ZBBX: variants seen among roughly 807,000 people sequenced by gnomAD.
ZBBX encodes zinc finger B-box domain-containing protein 1.
A neutral mutation model predicts 108.5 loss-of-function variants in ZBBX; 101 were observed. That is an observed-to-expected ratio of 0.93 (90% CI 0.79 to 1.10). The LOEUF (loss-of-function observed/expected upper bound fraction) is 1.10, where lower values mean the gene tolerates loss of function less well. Ranked by LOEUF, ZBBX falls within the 50% of genes least tolerant of loss-of-function variation. The probability of loss-of-function intolerance (pLI) is 0.00; values close to 1 mark genes in which losing one functional copy is unlikely to be tolerated. For missense variants in ZBBX, 1,009 were observed against 941.4 expected (o/e 1.07, Z -0.94); for synonymous variants, 356 against 323.4 (o/e 1.10, Z -1.08).
the ZBBX span, among the ~76,000 whole-genome samples, chr3:167,231,788 G>A: frequency 6.6e-6 from 1 of 151,594 alleles, no homozygotes. Context: ...TATTTTAAAA[G>A]GTATTCATTC....
chr3:167,255,625 T>G (rs373007409), intron 20 of ZBBX, among the ~76,000 whole-genome samples: 27 of 152,064 alleles, frequency 1.8e-4, no homozygotes, highest in African/African-American at 2.7e-4. Flanking sequence ...CCTCCATTAC[T>G]CTTTATTTTT....
chr3:167,384,849 A>G (rs913788855), upstream of ZBBX, among the ~76,000 whole-genome samples: 3 of 152,056 alleles, frequency 2.0e-5, no homozygotes, highest in African/African-American at 4.8e-5. Flanking sequence ...ACTGCAGACA[A>G]GCATGCACTA....
At chr3:167,227,631 C>G in the ZBBX span, among the ~76,000 whole-genome samples, 1 of 151,688 alleles carries the variant, frequency 6.6e-6, no homozygotes, top group African/African-American at 2.4e-5. Context: ...AAGGCATGGC[C>G]TCTTTCCACA....
chr3:167,325,497 G>A (rs1577003696), intron 11 of ZBBX, among the ~76,000 whole-genome samples: 2 of 152,080 alleles, frequency 1.3e-5, no homozygotes, highest in African/African-American at 4.8e-5. Flanking sequence ...CCCACAACAC[G>A]TGGAAATTAT....
Position 167,333,873 on chromosome 3 carries a change from A to G in ZBBX, c.641T>C (p.Ile214Thr). Reference protein sequence around the residue: ...ENNSTKETSKIQHKPKSVLLQ... With the variant: ...ENNSTKETSKTQHKPKSVLLQ... ...AAGTACAGATTTGGGTTTATGTTGA[A>G]TTTTACTGGTTTCCTTTGTAGAATT... Residue 214 changes from isoleucine (I) to threonine (T), a missense_variant, in exon 10 of 22, where the codon ATT (isoleucine) becomes ACT (threonine). By Grantham distance (89) the Ile-to-Thr change is moderately conservative. Transcript: ENST00000675490. 6.2e-7 allele frequency: 1 copy of G among 1,612,294 alleles called. No individual in the cohort carries two copies. The highest frequency in any genetic ancestry group is 8.5e-7 in the Non-Finnish European group (1 of 1,179,190).
intron 11 of ZBBX, among the ~76,000 whole-genome samples, chr3:167,326,793 A>G (rs1737466468): frequency 6.6e-6 from 1 of 152,100 alleles, no homozygotes; most frequent in African/African-American, 2.4e-5. Flanking sequence ...ATACTTGAAG[A>G]AAATTTATTT....
At chr3:167,272,766 C>T (rs1383985789) in intron 20 of ZBBX, among the ~76,000 whole-genome samples, 1 of 152,124 alleles carries the variant, frequency 6.6e-6, no homozygotes, top group Non-Finnish European at 1.5e-5. Flanking sequence ...TGAAAGGCGC[C>T]CCCTACCAAG....
chr3:167,335,420 G>C (rs1739387144), intron 9 of ZBBX, among the ~76,000 whole-genome samples: 1 of 152,042 alleles, frequency 6.6e-6, no homozygotes, highest in South Asian at 2.1e-4. Flanking sequence ...TCTGCCTAGG[G>C]ACTGCAGGAT....
intron 9 of ZBBX, among the ~76,000 whole-genome samples, chr3:167,339,019 T>G (rs1463112807): frequency 6.6e-6 from 1 of 152,180 alleles, no homozygotes; most frequent in Non-Finnish European, 1.5e-5. Flanking sequence ...ATATCAAGAA[T>G]ATTTCAAAGT....
intron 1 of ZBBX, among the ~76,000 whole-genome samples, chr3:167,402,837 G>T (rs916735484): frequency 6.6e-6 from 1 of 151,288 alleles, no homozygotes; most frequent in Non-Finnish European, 1.5e-5. Flanking sequence ...TAATCAAATG[G>T]TTAGTGACCT....
chr3:167,249,106 CT>C (rs1722116560), intron 20 of ZBBX, among the ~76,000 whole-genome samples: 1 of 152,206 alleles, frequency 6.6e-6, no homozygotes, highest in Non-Finnish European at 1.5e-5. Context: ...TGCCTTGAGC[CT>C]CAGAATCTGG....
intron 19 of ZBBX, among the ~76,000 whole-genome samples, chr3:167,287,122 A>G (rs976449656): frequency 1.3e-5 from 2 of 152,136 alleles, no homozygotes; most frequent in East Asian, 1.9e-4. Context: ...TCTAAAAAAA[A>G]ACCTTGCTTA....
At position 167,262,678 on chromosome 3, in the gene ZBBX, G is replaced by C. The variant is rs141052652; in HGVS notation, c.2254+19560C>G. 3.3e-5 allele frequency among the ~76,000 whole-genome samples: 5 copies of C among 152,090 alleles called. No individual in the cohort carries two copies. The East Asian group carries it at 9.7e-4, about 29-fold the overall frequency. ...GTATGTTCAGGTTTTGGACTTCTTC[G>C]TGGTTCAATCTTGGCAGGTTGTATA... On this transcript the variant is annotated intron_variant, in intron 20 of 21. Coordinates refer to ENST00000675490, the MANE Select transcript of ZBBX (RefSeq NM_001199201.2).
intron 16 of ZBBX, among the ~76,000 whole-genome samples, chr3:167,310,452 G>T (rs965847835): frequency 6.6e-6 from 1 of 152,112 alleles, no homozygotes; most frequent in Non-Finnish European, 1.5e-5. Context: ...CTGCTATAAA[G>T]AACTACCTAA....
chr3:167,313,259 A>G (rs1734891841), intron 16 of ZBBX, among the ~76,000 whole-genome samples: 1 of 152,048 alleles, frequency 6.6e-6, no homozygotes, highest in African/African-American at 2.4e-5. Context: ...ACATAGATAT[A>G]TAAGCAAGAT....
chr3:167,250,733 A>G (rs888714870), intron 20 of ZBBX, among the ~76,000 whole-genome samples: 1 of 152,088 alleles, frequency 6.6e-6, no homozygotes, highest in Non-Finnish European at 1.5e-5. Flanking sequence ...TTAGATGTAC[A>G]TCTTCAGAGG....
chr3:167,363,647 T>A (rs759868368), intron 6 of ZBBX, among the ~76,000 whole-genome samples: 11 of 152,184 alleles, frequency 7.2e-5, no homozygotes, highest in African/African-American at 2.6e-4. Flanking sequence ...TGTCCATCTT[T>A]CATTCTACAA....
intron 9 of ZBBX, among the ~76,000 whole-genome samples, chr3:167,345,634 G>A (rs1741311231): frequency 6.6e-6 from 1 of 151,712 alleles, no homozygotes; most frequent in South Asian, 2.1e-4. Flanking sequence ...AGAAGGAACT[G>A]CGTTTCTCAA....
chr3:167,376,728 T>G (rs568299115), intron 2 of ZBBX, among the ~76,000 whole-genome samples: 3 of 152,190 alleles, frequency 2.0e-5, no homozygotes, highest in Non-Finnish European at 4.4e-5. Flanking sequence ...TTCACTTCAC[T>G]GAATGCAATT....
Sources: gnomAD v4.1 joint callset for allele counts (sites outside exome capture counted in the v4.1 genomes callset) on GRCh38, gnomAD v4.1.1 for gene constraint, MANE v1.5 for transcripts, NCBI Gene and HGNC (gene_info 2026-07-23, HGNC 2026-07-21) for gene names.